ANO1: variants seen among roughly 807,000 people sequenced by gnomAD.
The protein encoded by ANO1 is anoctamin 1.
In ANO1, 59 loss-of-function variants were observed where a neutral mutation model predicts 124.0. That is an observed-to-expected ratio of 0.48 (90% CI 0.39 to 0.59). The LOEUF (loss-of-function observed/expected upper bound fraction) is 0.59, where lower values mean the gene tolerates loss of function less well. ANO1 is among the 20% of genes least tolerant of loss of function. The pLI is 0.00. For synonymous variants in ANO1, 529 were observed against 532.0 expected, an observed-to-expected ratio of 0.99 and a Z score of 0.08; for missense variants, 1,059 against 1,328.0, an observed-to-expected ratio of 0.80 and a Z score of 3.15.
intron 11 of ANO1, among the ~76,000 whole-genome samples, chr11:70,147,549 G>A (rs2047432095): frequency 6.6e-6 from 1 of 152,220 alleles, no homozygotes; most frequent in African/African-American, 2.4e-5. Context: ...CTGCATCATG[G>A]GGAGGCGCGT....
At chr11:70,157,979 CAAAAAAAA>C (rs548012147) in intron 16 of ANO1, among the ~76,000 whole-genome samples, 2 of 74,292 alleles carry the variant, frequency 2.7e-5, no homozygotes, top group African/African-American at 1.1e-4. Context: ...GACCCTGTCT[CAAAAAAAA>C]AAAAAAAAAA....
intron 11 of ANO1, among the ~76,000 whole-genome samples, chr11:70,140,489 C>T (rs2047112526): frequency 6.6e-6 from 1 of 151,722 alleles, no homozygotes; most frequent in Admixed American, 6.6e-5. Context: ...CGAGATCATA[C>T]CATTGCACTC....
intron 1 of ANO1, among the ~76,000 whole-genome samples, chr11:70,055,689 G>T (rs1402205262): frequency 1.3e-5 from 2 of 151,738 alleles, no homozygotes; most frequent in African/African-American, 4.8e-5. Flanking sequence ...TATATGTCTG[G>T]GTTTACAACC....
chr11:69,995,093 G>GC, intron 1 of ANO1, among the ~76,000 whole-genome samples: 1 of 21,644 alleles, frequency 4.6e-5, no homozygotes, highest in Non-Finnish European at 1.4e-4. Flanking sequence ...TGCTGGCACT[G>GC]TTTTTTTTTT....
intron 1 of ANO1, among the ~76,000 whole-genome samples, chr11:70,010,179 G>GTGTGTGTGTGTATATATATATATA: frequency 7.2e-5 from 6 of 83,804 alleles, no homozygotes; most frequent in East Asian, 5.8e-4. Context: ...GTGTGTGTGT[G>GTGTGTGTGTGTATATATATATATA]TATATATATA....
intron 1 of ANO1, among the ~76,000 whole-genome samples, chr11:70,016,962 A>T (rs1182257153): frequency 2.6e-5 from 4 of 152,142 alleles, no homozygotes; most frequent in African/African-American, 2.4e-5. Flanking sequence ...CGTACTAGAG[A>T]TTCTACTTAG....
At chr11:70,174,689 G>A (rs1214112621) in intron 22 of ANO1, among the ~76,000 whole-genome samples, 1 of 152,102 alleles carries the variant, frequency 6.6e-6, no homozygotes, top group Non-Finnish European at 1.5e-5. Context: ...AGGCCCAGGC[G>A]GTAACAGTGC....
Position 70,078,370 on chromosome 11 carries a change from T to G in ANO1, c.-237T>G, listed in dbSNP as rs11233122. The G allele has an allele frequency of 0.22, 31,871 of 147,430 alleles. 3,705 individuals carry two copies. The highest frequency in any genetic ancestry group is 0.35 in the South Asian group (1,667 of 4,736). 9.1% of individuals were successfully genotyped at this position (147,430 alleles called of 1,614,324 possible). A position where few individuals can be genotyped will look rare whatever the true frequency, so the allele number is the denominator to read the frequency against. ...CCGGCCCGCGGGACCAGCAGCCGGG[T>G]GGCGGCGCGATCGGCCCCGAGAGGC... On this transcript the variant is annotated 5_prime_UTR_variant, in exon 1 of 26. Coordinates refer to ENST00000355303, the MANE Select transcript of ANO1 (RefSeq NM_018043.7).
At chr11:70,140,568 A>C (rs1319297638) in intron 11 of ANO1, among the ~76,000 whole-genome samples, 4 of 152,024 alleles carry the variant, frequency 2.6e-5, no homozygotes, top group Admixed American at 2.6e-4. Flanking sequence ...GAAAGAAAGA[A>C]AGTAAAGGAG....
chr11:70,109,342 CAGAG>C (rs2045680520), intron 6 of ANO1, among the ~76,000 whole-genome samples: 1 of 152,326 alleles, frequency 6.6e-6, no homozygotes, highest in South Asian at 2.1e-4. Flanking sequence ...GCCCGGGAGA[CAGAG>C]AGAAGACGAA....
chr11:70,188,060 T>A lies in ANO1; in HGVS notation c.*56T>A. On this transcript the variant is annotated 3_prime_UTR_variant, in exon 26 of 26. Transcript: ENST00000355303. Reference sequence around the variant, plus strand: ...GGCATCCTGACCGATGGGCACCCTCTCCCAGGGCAGGCGGCTTCCCGCTCC... The same window carrying A: ...GGCATCCTGACCGATGGGCACCCTCACCCAGGGCAGGCGGCTTCCCGCTCC... 1 of 1,516,118 alleles carries A rather than the reference T, an allele frequency of 6.6e-7. No homozygotes were observed. Among genetic ancestry groups the A allele is most frequent in the South Asian group, 1.2e-5 (1 of 80,876 alleles). The allele number at this position is 1,516,118 out of a possible 1,614,324, so 93.9% of individuals were successfully genotyped here.
intron 21 of ANO1, among the ~76,000 whole-genome samples, chr11:70,167,669 AGCCACAGTCCCCAGGTATG>A (rs2048308128): frequency 2.5e-5 from 3 of 118,378 alleles, no homozygotes; most frequent in Non-Finnish European, 5.9e-5. Context: ...CATGGTCCCC[AGCCACAGTCCCCAGGTATG>A]GTCCCCAGCC....
intron 23 of ANO1, among the ~76,000 whole-genome samples, chr11:70,180,322 C>T (rs914938775): frequency 1.3e-5 from 2 of 151,958 alleles, no homozygotes; most frequent in Non-Finnish European, 2.9e-5. Flanking sequence ...GTCCAGGCTG[C>T]AGTACAGTGG....
rs117560429 is a variant in ANO1, at chr11:70,152,479, G to A, written c.1353+18G>A. On this transcript the variant is annotated intron_variant, in intron 13 of 25. Transcript: ENST00000355303. The stretch of plus-strand genomic sequence containing the variant: ...CTGTCAAGGTTTGGAACTTTTTGTC[G>A]CTCCTCTATCTTCCCACAGCCTATC... 9.0e-4 allele frequency: 1,457 copies of A among 1,611,480 alleles called. 15 individuals are homozygous for A. The East Asian group carries it at 0.026, about 28-fold the overall frequency.
chr11:70,132,057 C>G lies in ANO1; in HGVS notation c.1236C>G (p.Phe412Leu), dbSNP rs1467075996. 2.7e-5 allele frequency: 43 copies of G among 1,599,476 alleles called. No homozygotes were observed. Among genetic ancestry groups the G allele is most frequent in the Middle Eastern group, 1.6e-4 (1 of 6,078 alleles). ...HLFDNPATVF[F>L]SVFMALWAAT... ...TCGACAACCCCGCCACGGTCTTCTT[C>G]TCTGTCTTCATGGCCCTCTGGGGTA... is the stretch of plus-strand genomic sequence containing the variant. Residue 412 changes from phenylalanine (F) to leucine (L), a missense_variant, in exon 11 of 26, where the codon TTC becomes TTG. This residue lies in a region of ANO1 where 809 missense variants were observed against 1,094.9 expected (regional missense o/e 0.74). Coordinates refer to ENST00000355303, the MANE Select transcript of ANO1 (RefSeq NM_018043.7).
intron 14 of ANO1, among the ~76,000 whole-genome samples, chr11:70,155,025 G>A (rs11606378): frequency 0.23 from 34,930 of 152,140 alleles, 4,729 homozygotes; most frequent in East Asian, 0.44. Flanking sequence ...TTTTCAGGGC[G>A]GCATCCCGGC....
At chr11:70,045,488 C>T (rs948412147) in intron 1 of ANO1, among the ~76,000 whole-genome samples, 3 of 152,254 alleles carry the variant, frequency 2.0e-5, no homozygotes, top group East Asian at 1.9e-4. Context: ...TTCCACTCGG[C>T]CCTAAAATTC....
At chr11:70,033,835 T>A (rs1857048944) in intron 1 of ANO1, among the ~76,000 whole-genome samples, 1 of 152,218 alleles carries the variant, frequency 6.6e-6, no homozygotes, top group African/African-American at 2.4e-5. Flanking sequence ...CAGGTTCGCT[T>A]CGTGGGTATG....
At chr11:70,148,142 G>A (rs1050520623) in intron 11 of ANO1, among the ~76,000 whole-genome samples, 2 of 152,058 alleles carry the variant, frequency 1.3e-5, no homozygotes, top group Non-Finnish European at 2.9e-5. Context: ...CCTGCCACAC[G>A]CTGCCTTCAG....
Sources: gnomAD v4.1 joint callset for allele counts (sites outside exome capture counted in the v4.1 genomes callset) on GRCh38, gnomAD v4.1.1 for gene constraint, gnomAD v4.1.1 regional missense constraint, MANE v1.5 for transcripts, NCBI Gene and HGNC (gene_info 2026-07-23, HGNC 2026-07-21) for gene names.